Variants in ATP11A observed in about 807,000 individuals in gnomAD.
ATP11A encodes the protein ATPase phospholipid transporting 11A, also known as phospholipid-transporting ATPase IH.
A neutral mutation model predicts 154.4 loss-of-function variants in ATP11A; 81 were observed. The observed-to-expected ratio is 0.52, with a 90% CI of 0.44 to 0.63. The LOEUF (loss-of-function observed/expected upper bound fraction) is 0.63, where lower values mean the gene tolerates loss of function less well. Ranked by LOEUF, ATP11A falls within the 30% of genes least tolerant of loss-of-function variation. ATP11A has a pLI of 0.00. For synonymous variants in ATP11A, 623 were observed against 585.9 expected (o/e 1.06, Z -0.91); for missense variants, 1,316 against 1,474.3 (o/e 0.89, Z 1.76).
chr13:112,749,787 G>A (rs1438793051), intron 1 of ATP11A, among the ~76,000 whole-genome samples: 2 of 149,132 alleles, frequency 1.3e-5, no homozygotes, highest in African/African-American at 5.0e-5. Flanking sequence ...CACGCCTGCT[G>A]AAGGATGCGG....
intron 13 of ATP11A, among the ~76,000 whole-genome samples, chr13:112,832,306 A>C (rs554794675): frequency 2.0e-5 from 3 of 152,134 alleles, no homozygotes; most frequent in Non-Finnish European, 4.4e-5. Flanking sequence ...ACATCACTTC[A>C]CCTTCCTAAA....
chr13:112,740,126 T>TTCTCTCTC (rs71208910), intron 1 of ATP11A, among the ~76,000 whole-genome samples: 56 of 142,392 alleles, frequency 3.9e-4, no homozygotes, highest in African/African-American at 1.3e-3. Flanking sequence ...AGCATGTGAA[T>TTCTCTCTC]TCTCTCTCTC....
In ATP11A at chr13:112,787,665, A is replaced by C. The variant is rs1197405167; in HGVS notation, c.162+2408A>C. On this transcript the variant is annotated intron_variant, in intron 2 of 29. Transcript: ENST00000375645. ...TCCTGATGTGTAGACCCCTGTGGAT[A>C]CCTACTTAATTCACACCGGGTGTCC... Among the ~76,000 whole-genome samples, 346 of 138,414 alleles carry C rather than the reference A, an allele frequency of 2.5e-3. 1 individual carries two copies. The highest frequency in any genetic ancestry group is 9.6e-3 in the African/African-American group (336 of 34,958). 90.8% of individuals were successfully genotyped at this position (138,414 alleles called of 152,430 possible).
At chr13:112,811,029 G>T (rs1335116500) in intron 5 of ATP11A, among the ~76,000 whole-genome samples, 2 of 149,506 alleles carry the variant, frequency 1.3e-5, no homozygotes, top group African/African-American at 2.5e-5. Context: ...TTTTTTATTG[G>T]GTGTAGGCCC....
intron 1 of ATP11A, among the ~76,000 whole-genome samples, chr13:112,691,405 A>G (rs1285632948): frequency 6.6e-6 from 1 of 150,996 alleles, no homozygotes; most frequent in African/African-American, 2.4e-5. Context: ...CGGTGGTTGC[A>G]ATGAGCCGAG....
chr13:112,856,144 TC>T, intron 20 of ATP11A, 59 bp downstream of exon 20: 1 of 1,514,614 alleles, frequency 6.6e-7, no homozygotes, highest in Non-Finnish European at 9.0e-7. Context: ...CTGAAAACCT[TC>T]CGTTAGGTCT....
At chr13:112,786,868 C>T (rs1216312613) in intron 2 of ATP11A, among the ~76,000 whole-genome samples, 2 of 152,220 alleles carry the variant, frequency 1.3e-5, no homozygotes, top group Non-Finnish European at 2.9e-5. Flanking sequence ...TAATTCACAC[C>T]AAGTGTCCTG....
At chr13:112,805,258 A>C (rs567527086) in intron 3 of ATP11A, among the ~76,000 whole-genome samples, 2 of 152,342 alleles carry the variant, frequency 1.3e-5, no homozygotes, top group African/African-American at 4.8e-5. Context: ...CTTTGGGTTT[A>C]AGTTGGTGAC....
chr13:112,779,194 G>T (rs2077432808), intron 1 of ATP11A, among the ~76,000 whole-genome samples: 1 of 140,440 alleles, frequency 7.1e-6, no homozygotes, highest in Non-Finnish European at 1.5e-5. Flanking sequence ...CTGGAGTGAG[G>T]AGTAGCCACT....
intron 22 of ATP11A, chr13:112,858,972 G>C (rs897343798): frequency 3.8e-6 from 1 of 260,602 alleles, no homozygotes; most frequent in African/African-American, 2.2e-5. Context: ...ATGTACCCCT[G>C]AGGATGAGGA....
Position 112,880,201 on chromosome 13 carries a change from C to T in ATP11A, c.*10-1675C>T, listed in dbSNP as rs571842629. The stretch of plus-strand genomic sequence containing the variant: ...GCTCGCTGTCTGCCGTGGAAGTGGG[C>T]GTGTGGCTGAACGTGTGGCTTCAGG... On this transcript the variant is annotated intron_variant, in intron 29 of 29. Coordinates refer to ENST00000375645, the MANE Select transcript of ATP11A (RefSeq NM_015205.3). The T allele has an allele frequency of 1.4e-4, 22 of 156,148 alleles. No homozygotes were observed. The South Asian group carries it at 1.5e-3, about 10-fold the overall frequency. The allele number at this position is 156,148 out of a possible 1,614,324, so 9.7% of individuals were successfully genotyped here.
At chr13:112,726,458 G>A (rs1310424057) in intron 1 of ATP11A, among the ~76,000 whole-genome samples, 3 of 152,214 alleles carry the variant, frequency 2.0e-5, no homozygotes, top group African/African-American at 4.8e-5. Flanking sequence ...ATAGGTGCTG[G>A]GGGACAGGCC....
chr13:112,803,500 A>G (rs2078192834), intron 2 of ATP11A, among the ~76,000 whole-genome samples: 1 of 152,230 alleles, frequency 6.6e-6, no homozygotes, highest in Non-Finnish European at 1.5e-5. Context: ...AGGTTTCGGT[A>G]GACTGTCTTC....
chr13:112,857,703 A>T, intron 20 of ATP11A, 115 bp from the exon 21 acceptor site: 1 of 835,504 alleles, frequency 1.2e-6, no homozygotes, highest in Non-Finnish European at 1.9e-6. Flanking sequence ...CTAAGTAGTT[A>T]ATTTTTTTAT....
intron 16 of ATP11A, among the ~76,000 whole-genome samples, chr13:112,840,165 C>T (rs1164056352): frequency 1.9e-5 from 2 of 106,684 alleles, no homozygotes; most frequent in Non-Finnish European, 4.1e-5. Context: ...CCCACTCTCC[C>T]ATCCCCCCCA....
Position 112,793,775 on chromosome 13 carries a change from C to T in ATP11A, c.162+8518C>T, listed in dbSNP as rs566734675. ...TTCAGACAGCTTGTAGGTGCTCCTG[C>T]GGGCGCCTGGGCTGCTGGCAGGGGA... On this transcript the variant is annotated intron_variant, in intron 2 of 29. Transcript: ENST00000375645. Among the ~76,000 whole-genome samples the T allele has an allele frequency of 2.1e-4, 32 of 152,354 alleles. No individual in the cohort carries two copies. The South Asian group carries it at 6.0e-3, about 29-fold the overall frequency.
intron 1 of ATP11A, among the ~76,000 whole-genome samples, chr13:112,777,222 G>A (rs1029027348): frequency 6.6e-6 from 1 of 152,208 alleles, no homozygotes; most frequent in Non-Finnish European, 1.5e-5. Flanking sequence ...AAGACTGTGT[G>A]TTTTCAGGCA....
chr13:112,883,281 C>T lies in ATP11A; in HGVS notation c.*1415C>T, dbSNP rs532864918. ...GTGATAGGAAGTCCCTGTTGTTCTCCGTACTGGCATTTCTATTTCTAGAAA... is the reference window on the plus strand; with the variant it reads ...GTGATAGGAAGTCCCTGTTGTTCTCTGTACTGGCATTTCTATTTCTAGAAA... On this transcript the variant is annotated 3_prime_UTR_variant, in exon 30 of 30. Coordinates refer to ENST00000375645, the MANE Select transcript of ATP11A (RefSeq NM_015205.3). 1.3e-4 allele frequency: 50 copies of T among 398,462 alleles called. 1 individual carries two copies. The highest frequency in any genetic ancestry group is 6.2e-4 in the Middle Eastern group (1 of 1,610). The allele number at this position is 398,462 out of a possible 1,614,324, so 24.7% of individuals were successfully genotyped here. A position where few individuals can be genotyped will look rare whatever the true frequency, so the allele number is the denominator to read the frequency against.
At chr13:112,834,057 G>A (rs1010060205) in intron 14 of ATP11A, among the ~76,000 whole-genome samples, 1 of 152,202 alleles carries the variant, frequency 6.6e-6, no homozygotes, top group Non-Finnish European at 1.5e-5. Context: ...CTCCCACAAG[G>A]CCCTGAAGGT....
Sources: gnomAD v4.1 joint callset for allele counts (sites outside exome capture counted in the v4.1 genomes callset) on GRCh38, gnomAD v4.1.1 for gene constraint, MANE v1.5 for transcripts, NCBI Gene and HGNC (gene_info 2026-07-23, HGNC 2026-07-21) for gene names.